Variants in THBS3 observed in about 807,000 individuals in gnomAD.
THBS3 encodes the protein thrombospondin-3.
THBS3 carries 78 observed loss-of-function variants against 118.3 expected under a neutral mutation model. The observed-to-expected ratio is 0.66, with a 90% CI of 0.55 to 0.80. The LOEUF (loss-of-function observed/expected upper bound fraction) is 0.80. Among genes scored for constraint, THBS3 ranks in the 30% least tolerant of loss-of-function variants. The pLI, the probability that THBS3 is intolerant of heterozygous loss-of-function variation, is 0.00. For synonymous variants in THBS3, 427 were observed against 475.3 expected, an observed-to-expected ratio of 0.90 and a Z score of 1.32; for missense variants, 1,057 against 1,247.4, an observed-to-expected ratio of 0.85 and a Z score of 2.30.
At position 155,201,916 on chromosome 1, in the gene THBS3, A is replaced by G. The variant is rs761818861; in HGVS notation, c.1176+41T>C. On this transcript the variant is annotated intron_variant, in intron 10 of 22. Coordinates refer to ENST00000368378, the MANE Select transcript of THBS3 (RefSeq NM_007112.5). ...AAGGGGCGGGGGTTGGGGTTTTACC[A>G]TTCCCACCACCCCAGAATACACTCA... The G allele has an allele frequency of 1.2e-5, 19 of 1,612,768 alleles. No homozygotes were observed. The Admixed American group carries it at 2.7e-4, about 23-fold the overall frequency.
chr1:155,198,625 A>C (rs1166075689), intron 16 of THBS3, 23 bp from the exon 17 acceptor site: 3 of 1,609,736 alleles, frequency 1.9e-6, no homozygotes, highest in South Asian at 1.1e-5. Flanking sequence ...ACAGGTACCA[A>C]ATAAAGGATT....
In THBS3 at chr1:155,200,133, C is replaced by T. The variant is rs1029975419; in HGVS notation, c.1709-20G>A. On this transcript the variant is annotated intron_variant, in intron 14 of 22. Transcript: ENST00000368378. ...GGATGCCTAGAAGACATGGGTAGCA[C>T]AAGGTTGTTACTAGAACATGCCATA... is the stretch of plus-strand genomic sequence containing the variant. The T allele has an allele frequency of 2.3e-5, 35 of 1,523,626 alleles. No individual in the cohort carries two copies. Among genetic ancestry groups the T allele is most frequent in the Non-Finnish European group, 2.8e-5 (32 of 1,132,272 alleles). The allele number at this position is 1,523,626 out of a possible 1,614,324, so 94.4% of individuals were successfully genotyped here.
At chr1:155,198,670 C>T in intron 16 of THBS3, 68 bp from the exon 17 acceptor site, 1 of 1,488,660 alleles carries the variant, frequency 6.7e-7, no homozygotes, top group Non-Finnish European at 9.2e-7. Context: ...TCGCTTCTGC[C>T]TGGGAGTCTC....
upstream of THBS3, chr1:155,207,980 G>T: frequency 3.1e-6 from 2 of 653,826 alleles, no homozygotes; most frequent in South Asian, 1.7e-5. Context: ...AATTGGAGGG[G>T]GGGCCAGCAG....
rs1450538533 is a variant in THBS3 at position 155,197,063 on chromosome 1, G to T, written c.2650C>A (p.Arg884=). 1.1e-5 allele frequency: 18 copies of T among 1,613,764 alleles called. No individual in the cohort carries two copies. Among genetic ancestry groups the T allele is most frequent in the Admixed American group, 1.7e-5 (1 of 60,002 alleles). ...KTSYRWQLLH[R]PQVGYIRVKL... ...TACCGAATGTAGCCAACTTGAGGCC[G>T]GTGCAGAAGCTGCCAGCGATAGGAG... The change falls in exon 21 of 23, where the codon CGG becomes AGG. Residue 884 remains arginine (R), a synonymous_variant. Transcript: ENST00000368378. This position sits in a 1 kb window ranked among gnomAD's most constrained non-coding sequence, Gnocchi z 5.0.
chr1:155,202,703 A>G lies in THBS3; in HGVS notation c.957+109T>C. 1 of 1,464,704 alleles carries G rather than the reference A, an allele frequency of 6.8e-7. No individual in the cohort carries two copies. Among genetic ancestry groups the G allele is most frequent in the Non-Finnish European group, 9.2e-7 (1 of 1,089,526 alleles). The allele number at this position is 1,464,704 out of a possible 1,614,324, so 90.7% of individuals were successfully genotyped here. A position where few individuals can be genotyped will look rare whatever the true frequency, so the allele number is the denominator to read the frequency against. ...ATTTCTCTTGCCTCTGACCTCTCCTAAACTCCAGATTCCTCTCCTCCGGAC... is the reference window on the plus strand; with the variant it reads ...ATTTCTCTTGCCTCTGACCTCTCCTGAACTCCAGATTCCTCTCCTCCGGAC... On this transcript the variant is annotated intron_variant, in intron 8 of 22. Coordinates refer to ENST00000368378, the MANE Select transcript of THBS3 (RefSeq NM_007112.5). The surrounding 1 kb of genome is among the most constrained non-coding windows in gnomAD (Gnocchi z 5.5).
chr1:155,198,361 T>C, intron 17 of THBS3, 48 bp downstream of exon 17: 1 of 1,595,300 alleles, frequency 6.3e-7, no homozygotes. Context: ...TGCCTCCACC[T>C]GGGCAAAGGC....
intron 1 of THBS3, 93 bp downstream of exon 1, chr1:155,207,705 C>T: frequency 1.3e-5 from 17 of 1,343,844 alleles, no homozygotes; most frequent in Non-Finnish European, 1.6e-5. Flanking sequence ...GGACTCTTCC[C>T]CTCTCCCCTT....
chr1:155,198,619 G>C lies in THBS3; in HGVS notation c.1881-17C>G. 1 of 1,611,370 alleles carries C rather than the reference G, an allele frequency of 6.2e-7. No homozygotes were observed. Among genetic ancestry groups the C allele is most frequent in the Non-Finnish European group, 8.5e-7 (1 of 1,177,986 alleles). On this transcript the variant is annotated splice_polypyrimidine_tract_variant and intron_variant, in intron 16 of 22. Coordinates refer to ENST00000368378, the MANE Select transcript of THBS3 (RefSeq NM_007112.5). ...TCCCCATCGCTAATCAGAAGAACAG[G>C]TACCAAATAAAGGATTTAAAGGTAC... is the stretch of plus-strand genomic sequence containing the variant.
At position 155,203,519 on chromosome 1, in the gene THBS3, T is replaced by G. The variant is rs1226495399; in HGVS notation, c.667A>C (p.Ile223Leu). 2 of 1,613,560 alleles carry G rather than the reference T, an allele frequency of 1.2e-6. No individual in the cohort carries two copies. Among genetic ancestry groups the G allele is most frequent in the African/African-American group, 2.7e-5 (2 of 74,874 alleles). Residue 223 changes from isoleucine (I) to leucine (L), a missense_variant, in exon 5 of 23, where the codon ATT becomes CTT. Physicochemically the swap from Ile to Leu is conservative, Grantham distance 5. This residue lies in a region of THBS3 where 544 missense variants were observed against 715.6 expected (regional missense o/e 0.76). Transcript: ENST00000368378. Reference sequence around the variant, plus strand: ...TTCAGTGTGGCCTACTCACCTAGAATGGAGTGCAGTGCATTGGTCACTGGA... The same window carrying G: ...TTCAGTGTGGCCTACTCACCTAGAAGGGAGTGCAGTGCATTGGTCACTGGA... ...HSAVTNALHS[I>L]LGEQTKALVT...
rs1669598251 is a variant in THBS3 at position 155,200,884 on chromosome 1, G to T, written c.1548+13C>A. On this transcript the variant is annotated intron_variant, in intron 13 of 22. Transcript: ENST00000368378. ...GAGAGGAGCTTCAAGGGGCAGGGCA[G>T]TCTGGGAGTCACCTCAACATTCTTG... 1.2e-6 allele frequency: 2 copies of T among 1,614,084 alleles called. No individual in the cohort carries two copies. The highest frequency in any genetic ancestry group is 1.7e-6 in the Non-Finnish European group (2 of 1,180,010).
chr1:155,208,710 C>G (rs1042765536), upstream of THBS3: 2 of 1,300,874 alleles, frequency 1.5e-6, no homozygotes, highest in Non-Finnish European at 2.0e-6. Context: ...AGCCCCAGCC[C>G]GGCCTCCGCT....
chr1:155,202,860 G>T lies in THBS3; in HGVS notation c.909C>A (p.Cys303Ter). Residue 303 changes from cysteine (C) to a stop codon, truncating the protein, a stop_gained, in exon 8 of 23, where the codon TGC becomes TGA. Transcript: ENST00000368378. LOFTEE classifies it high-confidence loss of function. This position sits in a 1 kb window ranked among gnomAD's most constrained non-coding sequence, Gnocchi z 5.5. Reference protein sequence around the residue: ...YEYPGYRCGPCPPGLQGNGTH... With the variant: ...YEYPGYRCGP ...TGCCGTTGCCCTGCAGGCCAGGGGG[G>T]CAGGGCCCACAGCGGTAGCCTGGGT... The T allele has an allele frequency of 1.2e-6, 2 of 1,613,692 alleles. No homozygotes were observed. Among genetic ancestry groups the T allele is most frequent in the Non-Finnish European group, 1.7e-6 (2 of 1,180,018 alleles).
Position 155,206,861 on chromosome 1 carries a change from CAAAA to C in THBS3, c.80-459_80-456del, listed in dbSNP as rs904914581. On this transcript the variant is annotated intron_variant, in intron 1 of 22. Transcript: ENST00000368378. This position sits in a 1 kb window ranked among gnomAD's most constrained non-coding sequence, Gnocchi z 4.2. ...CCATCTCAAAAAGACAAAACGAAAACAAAAAAAAACCTCAACCCTTGTTGCTCTC... is the reference window on the plus strand; with the variant it reads ...CCATCTCAAAAAGACAAAACGAAAACAAAAACCTCAACCCTTGTTGCTCTC... 6.6e-6 allele frequency among the ~76,000 whole-genome samples: 1 copy of C among 150,726 alleles called. No individual in the cohort carries two copies. The highest frequency in any genetic ancestry group is 2.4e-5 in the African/African-American group (1 of 41,006).
chr1:155,201,154 G>A lies in THBS3; in HGVS notation c.1380C>T (p.Asp460=), dbSNP rs1307455162. 1.2e-6 allele frequency: 2 copies of A among 1,614,154 alleles called. No homozygotes were observed. The highest frequency in any genetic ancestry group is 1.1e-5 in the South Asian group (1 of 91,082). ...GNGNVCGTDT[D]IDGYPDQALP... is the part of the protein sequence containing the mutation. ...GTGCTTGGTCTGGGTAGCCATCGAT[G>A]TCTGTGTCAGTCCCACACACGTTCC... Residue 460 remains aspartate, a synonymous_variant, in exon 12 of 23, where the codon GAC becomes GAT. Transcript: ENST00000368378.
At position 155,195,864 on chromosome 1, in the gene THBS3, G is replaced by T. The variant is rs770826671; in HGVS notation, c.2848C>A (p.Gln950Lys). 6.2e-7 allele frequency: 1 copy of T among 1,614,094 alleles called. No individual in the cohort carries two copies. The highest frequency in any genetic ancestry group is 1.1e-5 in the South Asian group (1 of 91,078). Reference sequence around the variant, plus strand: ...CCTCACACCCTTCCCTGGAGCAGCTGCCTCCGGAATGGCTCAAAGTCCTCA... The same window carrying T: ...CCTCACACCCTTCCCTGGAGCAGCTTCCTCCGGAATGGCTCAAAGTCCTCA... Reference protein sequence around the residue: ...VPEDFEPFRRQLLQGRV With the variant: ...VPEDFEPFRRKLLQGRV The change falls in exon 23 of 23, where the codon CAG (glutamine) becomes AAG (lysine). Residue 950 changes from glutamine (Q) to lysine (K), a missense_variant. Coordinates refer to ENST00000368378, the MANE Select transcript of THBS3 (RefSeq NM_007112.5).
chr1:155,201,226 G>A (rs1436520988), intron 11 of THBS3, 22 bp from the exon 12 acceptor site: 1 of 1,613,824 alleles, frequency 6.2e-7, no homozygotes, highest in Non-Finnish European at 8.5e-7. Flanking sequence ...CAAAGGGTAG[G>A]AGCTAGCAGT....
At chr1:155,205,828 A>C (rs1002955122) in intron 2 of THBS3, among the ~76,000 whole-genome samples, 1 of 152,240 alleles carries the variant, frequency 6.6e-6, no homozygotes, top group Non-Finnish European at 1.5e-5. Flanking sequence ...CATTGGTATC[A>C]GATGACTGTA....
intron 21 of THBS3, chr1:155,196,328 A>G (rs2147895741): frequency 1.7e-6 from 1 of 599,662 alleles, no homozygotes; most frequent in South Asian, 2.1e-5. Context: ...CTCTTTGTCC[A>G]GCTCCTTTTG....
Sources: allele counts gnomAD v4.1 joint callset (sites outside exome capture counted in the v4.1 genomes callset), GRCh38; gene constraint gnomAD v4.1.1; regional missense constraint gnomAD v4.1.1; non-coding constraint Gnocchi (gnomAD v3.1); transcripts MANE v1.5; gene names NCBI Gene and HGNC (gene_info 2026-07-23, HGNC 2026-07-21).